ERMP1: variants seen among roughly 807,000 people sequenced by gnomAD.
ERMP1 encodes Felix-ina.
In ERMP1, 86 loss-of-function variants were observed where a neutral mutation model predicts 92.0. That is an observed-to-expected ratio of 0.93 (90% confidence interval 0.79 to 1.12). The LOEUF is 1.12. ERMP1 is among the 50% of genes most tolerant of loss of function. ERMP1 has a pLI of 0.00. For missense variants in ERMP1, 1,342 were observed against 1,116.3 expected (o/e 1.20, Z -2.88); for synonymous variants, 530 against 412.8 (o/e 1.28, Z -3.44).
intron 10 of ERMP1, 58 bp downstream of exon 10, chr9:5,804,969 G>C (rs1426219179): frequency 6.8e-6 from 9 of 1,329,810 alleles, no homozygotes; most frequent in African/African-American, 1.5e-5. Flanking sequence ...ATCTAGTATG[G>C]CTAAATTCAT....
At chr9:5,815,176 C>G (rs896923217) in intron 4 of ERMP1, among the ~76,000 whole-genome samples, 1 of 152,130 alleles carries the variant, frequency 6.6e-6, no homozygotes. Context: ...TCAAAAAGGT[C>G]TACAAACCCC....
intron 13 of ERMP1, among the ~76,000 whole-genome samples, chr9:5,796,518 C>T (rs902319318): frequency 3.9e-5 from 6 of 151,980 alleles, no homozygotes; most frequent in Admixed American, 3.9e-4. Context: ...AACTGCTGTA[C>T]ATCTACACAA....
intron 6 of ERMP1, among the ~76,000 whole-genome samples, chr9:5,844,056 A>G (rs1402417216): frequency 6.6e-6 from 1 of 152,150 alleles, no homozygotes; most frequent in Non-Finnish European, 1.5e-5. Context: ...CGGGAGAAGA[A>G]TCTCAGTCAG....
At chr9:5,808,016 G>A (rs759399556) in intron 8 of ERMP1, among the ~76,000 whole-genome samples, 16 of 151,998 alleles carry the variant, frequency 1.1e-4, no homozygotes, top group Non-Finnish European at 1.0e-4. Context: ...TAGAGATGTG[G>A]TCTCACTTAT....
intron 13 of ERMP1, among the ~76,000 whole-genome samples, chr9:5,796,543 A>G (rs1563749174): frequency 6.6e-6 from 1 of 152,202 alleles, no homozygotes; most frequent in Non-Finnish European, 1.5e-5. Context: ...CTATTCAGCA[A>G]TAAAAAGAAA....
chr9:5,805,654 T>C lies in ERMP1; in HGVS notation c.1680A>G (p.Pro560=), dbSNP rs1176690886. The change falls in exon 9 of 15, where the codon CCA becomes CCG. Residue 560 remains proline (P), a synonymous_variant. Transcript: ENST00000339450. The stretch of plus-strand genomic sequence containing the variant: ...TATGCACACAGAGCTTTGTGAGCAA[T>C]GGGAATGCTACCCAGACAGCACTAA... ...AFISAVWVAF[P]LLTKLCVHKD... is the part of the protein sequence containing the mutation. The C allele has an allele frequency of 8.7e-6, 14 of 1,609,398 alleles. No homozygotes were observed. Among genetic ancestry groups the C allele is most frequent in the Non-Finnish European group, 1.1e-5 (13 of 1,178,492 alleles).
chr9:5,828,598 G>C (rs926022731), intron 2 of ERMP1, among the ~76,000 whole-genome samples: 4 of 152,116 alleles, frequency 2.6e-5, no homozygotes, highest in Admixed American at 6.5e-5. Flanking sequence ...AAAATGTATT[G>C]TTTGGTTGAA....
intron 4 of ERMP1, among the ~76,000 whole-genome samples, chr9:5,817,985 G>T (rs377253328): frequency 6.6e-6 from 1 of 152,200 alleles, no homozygotes; most frequent in East Asian, 1.9e-4. Context: ...TCGTGGTGAA[G>T]TGGGGAGGCT....
rs140132784 is a variant in ERMP1 at position 5,797,820 on chromosome 9, T to A, written c.2383A>T (p.Thr795Ser). 1.3e-6 allele frequency: 2 copies of A among 1,578,632 alleles called. No individual in the cohort carries two copies. Among genetic ancestry groups the A allele is most frequent in the African/African-American group, 2.7e-5 (2 of 73,504 alleles). ...AAAAAACTATTATATGACTTACCTG[T>A]TGCTTCAAAAGTCAATTTTATAGAA... ...WDSIKLTFEA[T>S]GPSHMSFYVR... Residue 795 changes from threonine (T) to serine (S), a missense_variant, in exon 13 of 15, where the codon ACA (threonine) becomes TCA (serine). Physicochemically the swap from Thr to Ser is moderately conservative, Grantham distance 58 (BLOSUM62 1). Transcript: ENST00000339450.
intron 4 of ERMP1, among the ~76,000 whole-genome samples, chr9:5,821,937 C>T (rs901874472): frequency 2.0e-5 from 3 of 152,116 alleles, no homozygotes; most frequent in Admixed American, 2.0e-4. Context: ...GTATGTGTTC[C>T]TCCTATCCTA....
At chr9:5,795,642 G>A (rs1828393392) in intron 13 of ERMP1, among the ~76,000 whole-genome samples, 1 of 152,134 alleles carries the variant, frequency 6.6e-6, no homozygotes, top group Non-Finnish European at 1.5e-5. Flanking sequence ...GCCAGGTGTG[G>A]TGGCGGGTGC....
chr9:5,841,413 C>G (rs1299378874), intron 6 of ERMP1, among the ~76,000 whole-genome samples: 1 of 152,182 alleles, frequency 6.6e-6, no homozygotes, highest in Non-Finnish European at 1.5e-5. Context: ...TGCATAGAGG[C>G]AGAACACAGG....
chr9:5,802,089 GTTC>G (rs1828695606), intron 10 of ERMP1, among the ~76,000 whole-genome samples: 2 of 152,354 alleles, frequency 1.3e-5, no homozygotes, highest in East Asian at 1.9e-4. Flanking sequence ...ATCTGAAATT[GTTC>G]TAAGAAGCCA....
At chr9:5,832,555 CCACG>C in intron 1 of ERMP1, 131 bp downstream of exon 1, 2 of 654,198 alleles carry the variant, frequency 3.1e-6, no homozygotes, top group Non-Finnish European at 4.7e-6. Flanking sequence ...TCACCCCACC[CCACG>C]TGCAGCCTGG....
chr9:5,817,895 G>A (rs1829380904), intron 4 of ERMP1, among the ~76,000 whole-genome samples: 1 of 152,112 alleles, frequency 6.6e-6, no homozygotes, highest in Admixed American at 6.6e-5. Flanking sequence ...GACTAAGAGT[G>A]GTAAATATTA....
intron 6 of ERMP1, among the ~76,000 whole-genome samples, chr9:5,858,656 A>C (rs1289704407): frequency 6.6e-6 from 1 of 152,202 alleles, no homozygotes; most frequent in African/African-American, 2.4e-5. Flanking sequence ...TCAAAAGCTT[A>C]AGGTAAAAGT....
At chr9:5,831,274 A>G (rs1282224170) in intron 1 of ERMP1, among the ~76,000 whole-genome samples, 13 of 152,138 alleles carry the variant, frequency 8.5e-5, no homozygotes, top group Admixed American at 8.5e-4. Flanking sequence ...ACTTCTCCCC[A>G]TATCAAACCA....
At chr9:5,792,632 G>A (rs1321236101) in intron 13 of ERMP1, among the ~76,000 whole-genome samples, 1 of 152,164 alleles carries the variant, frequency 6.6e-6, no homozygotes, top group Non-Finnish European at 1.5e-5. Flanking sequence ...AAAGGTTTAA[G>A]AAGTGAAGGA....
At chr9:5,824,072 C>A in intron 3 of ERMP1, 71 bp from the exon 4 acceptor site, 1 of 1,178,162 alleles carries the variant, frequency 8.5e-7, no homozygotes, top group Non-Finnish European at 1.2e-6. Flanking sequence ...TTTGCTTAAA[C>A]ACAGAGAGAC....
Sources: allele counts gnomAD v4.1 joint callset (sites outside exome capture counted in the v4.1 genomes callset), GRCh38; gene constraint gnomAD v4.1.1; transcripts MANE v1.5; gene names NCBI Gene and HGNC (gene_info 2026-07-23, HGNC 2026-07-21).